The following MEGF11 variants were observed in gnomAD, a reference collection of about 807,000 sequenced individuals.
The protein encoded by MEGF11 is multiple EGF like domains 11, also known as multiple epidermal growth factor-like domains protein 11.
MEGF11 carries 126 observed loss-of-function variants against 146.6 expected under a neutral mutation model. The observed-to-expected ratio is 0.86, with a 90% CI of 0.74 to 1.00. MEGF11 has a LOEUF of 1.00. MEGF11 is among the 50% of genes least tolerant of loss of function. The pLI is 0.00. For synonymous variants in MEGF11, 532 were observed against 583.4 expected, an observed-to-expected ratio of 0.91 and a Z score of 1.27; for missense variants, 1,509 against 1,521.2, an observed-to-expected ratio of 0.99 and a Z score of 0.13.
At chr15:66,193,451 G>A (rs1311245021) in intron 1 of MEGF11, among the ~76,000 whole-genome samples, 1 of 152,204 alleles carries the variant, frequency 6.6e-6, no homozygotes, top group African/African-American at 2.4e-5. Context: ...AACTCATGGA[G>A]CTTACAGTCC....
intron 5 of MEGF11, among the ~76,000 whole-genome samples, chr15:66,023,847 G>A (rs375013838): frequency 3.3e-5 from 5 of 152,334 alleles, no homozygotes; most frequent in East Asian, 3.9e-4. Flanking sequence ...CAGCCCTGCC[G>A]AGAAAGACTT....
intron 5 of MEGF11, among the ~76,000 whole-genome samples, chr15:66,074,530 G>A (rs1001008823): frequency 2.0e-5 from 3 of 152,330 alleles, no homozygotes; most frequent in Admixed American, 1.3e-4. Flanking sequence ...CCAGAGGAGA[G>A]TCATGAAATC....
chr15:66,077,879 G>C (rs1044875692), intron 5 of MEGF11, among the ~76,000 whole-genome samples: 5 of 152,192 alleles, frequency 3.3e-5, no homozygotes, highest in African/African-American at 1.2e-4. Flanking sequence ...TGGGAATGAT[G>C]GGAGGGAGAT....
chr15:66,154,653 C>A (rs556271525), intron 1 of MEGF11, among the ~76,000 whole-genome samples: 1 of 152,254 alleles, frequency 6.6e-6, no homozygotes, highest in Non-Finnish European at 1.5e-5. Context: ...GACAGAGACA[C>A]TTCTAAAATG....
At chr15:66,138,519 T>C (rs538341677) in intron 1 of MEGF11, among the ~76,000 whole-genome samples, 62 of 152,230 alleles carry the variant, frequency 4.1e-4, no homozygotes, top group Non-Finnish European at 8.1e-4. Context: ...TCTTTGTCCA[T>C]GACACTGATA....
chr15:66,181,527 A>AACTTCTACTATC (rs59700568), intron 1 of MEGF11, among the ~76,000 whole-genome samples: 90,153 of 151,608 alleles, frequency 0.59, 28,247 homozygotes, highest in African/African-American at 0.78. Context: ...CTTCTACTAT[A>AACTTCTACTATC]ACTTCTACTA....
chr15:65,950,584 GACACACACACACACACACACACAC>G lies in MEGF11; in HGVS notation c.1287+6939_1287+6962del, dbSNP rs57977250. On this transcript the variant is annotated intron_variant, in intron 10 of 25. Coordinates refer to ENST00000395614, the MANE Select transcript of MEGF11 (RefSeq NM_001385028.1). ...CAATAGAGTGAGGCTTAGACACACA[GACACACACACACACACACACACAC>G]ACACACACACACACACACAAAAGGA... 7.7e-3 allele frequency among the ~76,000 whole-genome samples: 1,147 copies of G among 148,940 alleles called. 9 individuals are homozygous for G. The highest frequency in any genetic ancestry group is 0.026 in the African/African-American group (1,064 of 40,294).
intron 5 of MEGF11, among the ~76,000 whole-genome samples, chr15:66,030,658 C>T (rs1567209582): frequency 6.6e-6 from 1 of 152,166 alleles, no homozygotes; most frequent in Non-Finnish European, 1.5e-5. Flanking sequence ...GATCTGCCTG[C>T]CTCGGCCTCC....
chr15:66,183,305 A>C (rs974349913), intron 1 of MEGF11, among the ~76,000 whole-genome samples: 1 of 152,064 alleles, frequency 6.6e-6, no homozygotes, highest in Non-Finnish European at 1.5e-5. Flanking sequence ...TTCGAGACCA[A>C]CCTGGCCAAC....
At chr15:65,914,771 C>T (rs2078935583) in intron 19 of MEGF11, among the ~76,000 whole-genome samples, 1 of 152,200 alleles carries the variant, frequency 6.6e-6, no homozygotes, top group Non-Finnish European at 1.5e-5. Flanking sequence ...TCTTTTGGCT[C>T]CTTTTCTGTA....
rs879016880 is a variant in MEGF11 at position 65,929,816 on chromosome 15, GCT to G, written c.1474_1475del (p.Ser492LeufsTer28). On this transcript the variant is annotated frameshift_variant, in exon 12 of 26. Coordinates refer to ENST00000395614, the MANE Select transcript of MEGF11 (RefSeq NM_001385028.1). LOFTEE classifies it high-confidence loss of function. Reference sequence around the variant, plus strand: ...AGGCTGCCCCATTGGCACAGGTGCAGCTCTCGTTGCAGTTCAGGCCCCACGTC... The same window carrying G: ...AGGCTGCCCCATTGGCACAGGTGCAGCTCGTTGCAGTTCAGGCCCCACGTC... Reference protein sequence around the residue: ...SGTWGLNCNESCTCANGAACS... With the variant: ...SGTWGLNCNEXCTCANGAACS... 10 of 1,583,308 alleles carry G rather than the reference GCT, an allele frequency of 6.3e-6. No homozygotes were observed. The highest frequency in any genetic ancestry group is 8.6e-6 in the Non-Finnish European group (10 of 1,164,888).
intron 5 of MEGF11, among the ~76,000 whole-genome samples, chr15:66,069,060 C>A (rs1371652829): frequency 1.3e-5 from 2 of 152,214 alleles, no homozygotes; most frequent in African/African-American, 4.8e-5. Context: ...TGGCTCCTTA[C>A]CCTCTCTCAG....
intron 5 of MEGF11, among the ~76,000 whole-genome samples, chr15:66,082,466 AATCTATCTATCTATCTATCTATCT>A (rs200466707): frequency 5.5e-5 from 4 of 72,648 alleles, no homozygotes; most frequent in East Asian, 4.2e-4. Context: ...AAAAAAAAAA[AATCTATCTATCTATCTATCTATCT>A]ATCTATCTAT....
chr15:66,152,610 C>G (rs1486552317), intron 1 of MEGF11, among the ~76,000 whole-genome samples: 1 of 152,210 alleles, frequency 6.6e-6, no homozygotes, highest in Non-Finnish European at 1.5e-5. Flanking sequence ...GGGATGTGAC[C>G]ATGCTTCTCT....
At chr15:65,913,686 G>T (rs541304484) in intron 20 of MEGF11, 51 bp downstream of exon 20, 13 of 1,479,062 alleles carry the variant, frequency 8.8e-6, no homozygotes, top group East Asian at 7.2e-5. Flanking sequence ...CATTCCTGGG[G>T]TATGTGTGTG....
intron 1 of MEGF11, among the ~76,000 whole-genome samples, chr15:66,219,118 CCTT>C (rs1361386176): frequency 6.6e-6 from 1 of 151,462 alleles, no homozygotes; most frequent in Non-Finnish European, 1.5e-5. Flanking sequence ...ACATGTAAAA[CCTT>C]CTAGAAGAAA....
At chr15:65,938,789 C>T (rs1259042977) in intron 10 of MEGF11, among the ~76,000 whole-genome samples, 1 of 152,250 alleles carries the variant, frequency 6.6e-6, no homozygotes, top group Non-Finnish European at 1.5e-5. Flanking sequence ...CCTCTACCTT[C>T]CACCTGCCTC....
chr15:66,225,399 C>T (rs772005000), intron 1 of MEGF11, among the ~76,000 whole-genome samples: 2 of 152,232 alleles, frequency 1.3e-5, no homozygotes, highest in Admixed American at 6.5e-5. Flanking sequence ...TGCTGTTCTC[C>T]GTAGGTAATA....
intron 1 of MEGF11, among the ~76,000 whole-genome samples, chr15:66,139,464 T>C (rs2089043497): frequency 6.6e-6 from 1 of 152,154 alleles, no homozygotes; most frequent in Non-Finnish European, 1.5e-5. Flanking sequence ...GACTCTGTCA[T>C]GGGAGCCTGG....
Sources: allele counts gnomAD v4.1 joint callset (sites outside exome capture counted in the v4.1 genomes callset), GRCh38; gene constraint gnomAD v4.1.1; transcripts MANE v1.5; gene names NCBI Gene and HGNC (gene_info 2026-07-23, HGNC 2026-07-21).